The following ADAMTS2 variants were observed in gnomAD, a reference collection of about 807,000 sequenced individuals.
The protein encoded by ADAMTS2 is A disintegrin and metalloproteinase with thrombospondin motifs 2.
In ADAMTS2, 50 loss-of-function variants were observed where a neutral mutation model predicts 123.0. That is an observed-to-expected ratio of 0.41 (90% CI 0.32 to 0.51). ADAMTS2 has a LOEUF of 0.51. Among genes scored for constraint, ADAMTS2 ranks in the 20% least tolerant of loss-of-function variants. The pLI is 0.35. For synonymous variants in ADAMTS2, 678 were observed against 695.4 expected (o/e 0.98, Z 0.39); for missense variants, 1,494 against 1,705.2 (o/e 0.88, Z 2.18).
chr5:179,235,384 G>A (rs532020270), intron 3 of ADAMTS2, among the ~76,000 whole-genome samples: 11 of 152,334 alleles, frequency 7.2e-5, no homozygotes, highest in African/African-American at 1.9e-4. Context: ...AATGCTCAGG[G>A]TGTGTGGGAC....
chr5:179,221,186 C>T (rs746133251), intron 3 of ADAMTS2, among the ~76,000 whole-genome samples: 1 of 152,162 alleles, frequency 6.6e-6, no homozygotes, highest in Non-Finnish European at 1.5e-5. Flanking sequence ...CTTCACACAC[C>T]TCCTGTTTCT....
At chr5:179,184,509 T>TCAAAAAAAAAAAAAAAAAAAAAAAAAAA (rs1290290563) in intron 4 of ADAMTS2, among the ~76,000 whole-genome samples, 3 of 91,416 alleles carry the variant, frequency 3.3e-5, no homozygotes, top group African/African-American at 1.4e-4. Flanking sequence ...AGACTCTGTC[T>TCAAAAAAAAAAAAAAAAAAAAAAAAAAA]AAAAAAAAAA....
intron 3 of ADAMTS2, among the ~76,000 whole-genome samples, chr5:179,233,486 G>C (rs573277523): frequency 4.5e-4 from 68 of 152,328 alleles, no homozygotes; most frequent in African/African-American, 1.6e-3. Context: ...AGGAGTTCAA[G>C]ACCAGCCTGG....
chr5:179,123,488 C>T (rs959895691), intron 19 of ADAMTS2, among the ~76,000 whole-genome samples: 10 of 152,182 alleles, frequency 6.6e-5, no homozygotes, highest in Non-Finnish European at 1.3e-4. Flanking sequence ...TACAGTGGCA[C>T]GATATCAGCA....
At position 179,170,815 on chromosome 5, in the gene ADAMTS2, A is replaced by T. The variant is rs1275353722; in HGVS notation, c.975+10257T>A. 1.3e-5 allele frequency among the ~76,000 whole-genome samples: 2 copies of T among 152,068 alleles called. No individual in the cohort carries two copies. The highest frequency in any genetic ancestry group is 2.9e-5 in the Non-Finnish European group (2 of 67,998). ...CTCCTCGTTCATGCACCTCCCTGGG[A>T]TTAAACAGCAGCTGCTCGGGAAGCC... On this transcript the variant is annotated intron_variant, in intron 5 of 21. Transcript: ENST00000251582. The surrounding 1 kb of genome is among the most constrained non-coding windows in gnomAD (Gnocchi z 4.3).
Position 179,189,108 on chromosome 5 carries a change from C to G in ADAMTS2, c.892-7953G>C, listed in dbSNP as rs1309982974. Reference sequence around the variant, plus strand: ...ACTTAACCTGTCTGGGCCTCAGTTTCTTTATCTATAAAATGGAGATAATAA... The same window carrying G: ...ACTTAACCTGTCTGGGCCTCAGTTTGTTTATCTATAAAATGGAGATAATAA... On this transcript the variant is annotated intron_variant, in intron 4 of 21. Coordinates refer to ENST00000251582, the MANE Select transcript of ADAMTS2 (RefSeq NM_014244.5). The surrounding 1 kb of genome is among the most constrained non-coding windows in gnomAD (Gnocchi z 4.2). 6.6e-6 allele frequency among the ~76,000 whole-genome samples: 1 copy of G among 152,148 alleles called. No individual in the cohort carries two copies.
In ADAMTS2 at chr5:179,256,117, G is replaced by A. The variant is rs561425247; in HGVS notation, c.688+16794C>T. On this transcript the variant is annotated intron_variant, in intron 3 of 21. Coordinates refer to ENST00000251582, the MANE Select transcript of ADAMTS2 (RefSeq NM_014244.5). The surrounding 1 kb of genome is among the most constrained non-coding windows in gnomAD (Gnocchi z 4.1). Reference sequence around the variant, plus strand: ...CGGTCCTTCTTCCCACAGGGAGACCGGGAGGGTCTTGTTCTGCCCTCAGAG... The same window carrying A: ...CGGTCCTTCTTCCCACAGGGAGACCAGGAGGGTCTTGTTCTGCCCTCAGAG... Among the ~76,000 whole-genome samples the A allele has an allele frequency of 5.9e-5, 9 of 152,316 alleles. No individual in the cohort carries two copies. In the East Asian group the frequency reaches 1.2e-3, roughly 20 times the overall value.
At chr5:179,152,679 C>A (rs1763384937) in intron 9 of ADAMTS2, among the ~76,000 whole-genome samples, 1 of 152,176 alleles carries the variant, frequency 6.6e-6, no homozygotes, top group African/African-American at 2.4e-5. Context: ...CCTGGCCTTT[C>A]TGCTTCCTGT....
At chr5:179,179,907 C>T (rs1391488961) in intron 5 of ADAMTS2, among the ~76,000 whole-genome samples, 1 of 152,150 alleles carries the variant, frequency 6.6e-6, no homozygotes, top group Non-Finnish European at 1.5e-5. Context: ...ATATAATTAT[C>T]TGATGTATTT....
intron 3 of ADAMTS2, among the ~76,000 whole-genome samples, chr5:179,226,864 G>A (rs1442632363): frequency 6.6e-6 from 1 of 152,182 alleles, no homozygotes; most frequent in Non-Finnish European, 1.5e-5. Flanking sequence ...AAGAAGTAAC[G>A]TCCCCATCAG....
chr5:179,240,398 G>A (rs1765636723), intron 3 of ADAMTS2, among the ~76,000 whole-genome samples: 1 of 152,192 alleles, frequency 6.6e-6, no homozygotes, highest in Non-Finnish European at 1.5e-5. Flanking sequence ...TTAAGAGAAG[G>A]AGGCTGGGTA....
rs990731778 is a variant in ADAMTS2 at position 179,308,296 on chromosome 5, G to A, written c.535-35232C>T. Reference sequence around the variant, plus strand: ...CAGCAGGAGACGCTGATGGGATGTCGGGAGTCACCAGGACCATCTGACAAA... The same window carrying A: ...CAGCAGGAGACGCTGATGGGATGTCAGGAGTCACCAGGACCATCTGACAAA... On this transcript the variant is annotated intron_variant, in intron 2 of 21. Transcript: ENST00000251582. This position sits in a 1 kb window ranked among gnomAD's most constrained non-coding sequence, Gnocchi z 6.6. Among the ~76,000 whole-genome samples the A allele has an allele frequency of 1.3e-5, 2 of 152,208 alleles. No individual in the cohort carries two copies. Among genetic ancestry groups the A allele is most frequent in the Non-Finnish European group, 2.9e-5 (2 of 68,046 alleles).
rs1352422354 is a variant in ADAMTS2 at position 179,114,298 on chromosome 5, T to C, written c.3205A>G (p.Ile1069Val). ...SKGHCQGDKS[I>V]FCRMEVLSRY... ...GACAAGACTTCCATCCTACAGAATA[T>C]TGACTTGTCGCCTTGGCAGTGGCCC... Residue 1069 changes from isoleucine (I) to valine (V), a missense_variant, in exon 22 of 22, where the codon ATA becomes GTA. This residue lies in a region of ADAMTS2 where 953 missense variants were observed against 1,124.7 expected (regional missense o/e 0.85). Coordinates refer to ENST00000251582, the MANE Select transcript of ADAMTS2 (RefSeq NM_014244.5). 1 of 1,614,044 alleles carries C rather than the reference T, an allele frequency of 6.2e-7. No homozygotes were observed. The highest frequency in any genetic ancestry group is 1.1e-5 in the South Asian group (1 of 91,052).
intron 19 of ADAMTS2, among the ~76,000 whole-genome samples, chr5:179,124,022 G>A (rs566074953): frequency 6.6e-6 from 1 of 152,322 alleles, no homozygotes; most frequent in East Asian, 1.9e-4. Context: ...GGAGAATTCA[G>A]GGCATTTCCG....
chr5:179,231,309 G>A (rs1435790801), intron 3 of ADAMTS2, among the ~76,000 whole-genome samples: 1 of 152,188 alleles, frequency 6.6e-6, no homozygotes, highest in African/African-American at 2.4e-5. Flanking sequence ...AAGTACTAGA[G>A]GTCTGCTGTA....
intron 5 of ADAMTS2, among the ~76,000 whole-genome samples, chr5:179,167,054 G>A (rs1054910855): frequency 6.9e-4 from 105 of 152,348 alleles, no homozygotes; most frequent in African/African-American, 2.4e-3. Context: ...GGGCCGCCCC[G>A]GCAGATGCTG....
chr5:179,116,080 G>A (rs1762651953), intron 21 of ADAMTS2, among the ~76,000 whole-genome samples: 1 of 151,982 alleles, frequency 6.6e-6, no homozygotes, highest in Non-Finnish European at 1.5e-5. Context: ...AAACACCTGG[G>A]TGCCCCGTCC....
intron 10 of ADAMTS2, among the ~76,000 whole-genome samples, chr5:179,149,970 G>A (rs1763323388): frequency 6.6e-6 from 1 of 152,308 alleles, no homozygotes; most frequent in South Asian, 2.1e-4. Flanking sequence ...GCGGCCAGGT[G>A]GGTGGTCTCT....
In ADAMTS2 at chr5:179,189,649, G is replaced by A. The variant is rs568411526; in HGVS notation, c.892-8494C>T. ...TGGGATTACAGGCGTGAGCCACCGC[G>A]CCCGGCCAGGAGCAATTTTTTGTGG... On this transcript the variant is annotated intron_variant, in intron 4 of 21. Transcript: ENST00000251582. This position sits in a 1 kb window ranked among gnomAD's most constrained non-coding sequence, Gnocchi z 4.2. 1.5e-4 allele frequency among the ~76,000 whole-genome samples: 22 copies of A among 149,890 alleles called. No homozygotes were observed. The East Asian group carries it at 2.2e-3, about 15-fold the overall frequency.
Sources: allele counts gnomAD v4.1 joint callset (sites outside exome capture counted in the v4.1 genomes callset), GRCh38; gene constraint gnomAD v4.1.1; regional missense constraint gnomAD v4.1.1; non-coding constraint Gnocchi (gnomAD v3.1); transcripts MANE v1.5; gene names NCBI Gene and HGNC (gene_info 2026-07-23, HGNC 2026-07-21).